Variants in ASIC2 observed in about 807,000 individuals in gnomAD.
ASIC2 encodes acid-sensing ion channel 2.
Under a neutral mutation model 57.3 loss-of-function variants are expected in ASIC2, and 25 were observed. The ratio of observed to expected loss-of-function variants is 0.44; its 90% CI spans 0.32 to 0.61. The LOEUF (loss-of-function observed/expected upper bound fraction) is 0.61, where lower values mean the gene tolerates loss of function less well. Among genes scored for constraint, ASIC2 ranks in the 20% least tolerant of loss-of-function variants. The pLI, the probability that ASIC2 is intolerant of heterozygous loss-of-function variation, is 0.06. For synonymous variants in ASIC2, 319 were observed against 307.5 expected, an observed-to-expected ratio of 1.04 and a Z score of -0.39; for missense variants, 641 against 738.1, an observed-to-expected ratio of 0.87 and a Z score of 1.52.
At chr17:33,483,654 C>A (rs1913486768) in intron 1 of ASIC2, among the ~76,000 whole-genome samples, 1 of 152,184 alleles carries the variant, frequency 6.6e-6, no homozygotes, top group African/African-American at 2.4e-5. Context: ...CTTTCCTTTC[C>A]AGGGCCATGA....
chr17:33,652,595 C>T (rs1906953927), intron 1 of ASIC2, among the ~76,000 whole-genome samples: 1 of 152,162 alleles, frequency 6.6e-6, no homozygotes, highest in Admixed American at 6.5e-5. Flanking sequence ...AGAACTCATG[C>T]TTTTAATCAC....
chr17:34,100,202 A>C (rs567350877), intron 1 of ASIC2, among the ~76,000 whole-genome samples: 186 of 144,798 alleles, frequency 1.3e-3, no homozygotes, highest in African/African-American at 4.6e-3. Context: ...TTTTTTTTTA[A>C]ATCAATTGGT....
intron 1 of ASIC2, among the ~76,000 whole-genome samples, chr17:33,537,065 C>A (rs1231234980): frequency 6.6e-6 from 1 of 152,236 alleles, no homozygotes; most frequent in East Asian, 1.9e-4. Context: ...GCCCAAACCT[C>A]TCTGGGCCTT....
At chr17:33,766,105 CCA>C (rs1242233217) in intron 1 of ASIC2, among the ~76,000 whole-genome samples, 25 of 152,226 alleles carry the variant, frequency 1.6e-4, no homozygotes, top group South Asian at 2.1e-4. Context: ...CCACGGTCAA[CCA>C]CAGTCCAAAA....
At chr17:33,122,092 G>A (rs2092304879) in intron 1 of ASIC2, among the ~76,000 whole-genome samples, 2 of 152,210 alleles carry the variant, frequency 1.3e-5, no homozygotes, top group African/African-American at 2.4e-5. Flanking sequence ...GCTTTTAGGA[G>A]GGCAAGAACC....
intron 1 of ASIC2, among the ~76,000 whole-genome samples, chr17:34,059,095 T>G (rs1399261614): frequency 1.3e-5 from 2 of 152,100 alleles, no homozygotes; most frequent in Non-Finnish European, 2.9e-5. Context: ...AAGAACAAAC[T>G]AGCAATCCCA....
intron 1 of ASIC2, among the ~76,000 whole-genome samples, chr17:33,159,328 C>T (rs1905098592): frequency 6.7e-6 from 1 of 149,852 alleles, no homozygotes; most frequent in Non-Finnish European, 1.5e-5. Flanking sequence ...CTGCCTGTAA[C>T]ACTTTCATGT....
intron 1 of ASIC2, among the ~76,000 whole-genome samples, chr17:33,286,828 T>C (rs1400623084): frequency 6.6e-6 from 1 of 152,186 alleles, no homozygotes; most frequent in Non-Finnish European, 1.5e-5. Flanking sequence ...CCAAAGGGCA[T>C]GTACCAAGCC....
chr17:33,620,256 A>C (rs1445616987), intron 1 of ASIC2, among the ~76,000 whole-genome samples: 9 of 151,898 alleles, frequency 5.9e-5, no homozygotes, highest in African/African-American at 2.2e-4. Context: ...AAAAAAAAAA[A>C]AAAAACACGT....
At chr17:33,057,172 C>T (rs1404329878) in intron 3 of ASIC2, among the ~76,000 whole-genome samples, 3 of 152,110 alleles carry the variant, frequency 2.0e-5, no homozygotes, top group Non-Finnish European at 4.4e-5. Context: ...GATTCCTGGG[C>T]CTCACCTTGA....
intron 3 of ASIC2, among the ~76,000 whole-genome samples, chr17:33,062,470 T>C (rs2092024977): frequency 6.6e-6 from 1 of 152,150 alleles, no homozygotes; most frequent in Non-Finnish European, 1.5e-5. Flanking sequence ...AGTTGAGCGG[T>C]TTTGAGTGAG....
chr17:33,018,024 T>C (rs929219226), intron 7 of ASIC2, among the ~76,000 whole-genome samples: 1 of 152,108 alleles, frequency 6.6e-6, no homozygotes, highest in African/African-American at 2.4e-5. Context: ...GTAGGGAGAA[T>C]AGAGAGCTAG....
At chr17:34,143,144 C>A (rs946600180) in intron 1 of ASIC2, 1 of 152,106 alleles carries the variant, frequency 6.6e-6, no homozygotes, top group African/African-American at 2.4e-5. Context: ...CAGCTCAGCC[C>A]TGCACAAAAA....
chr17:33,543,999 G>A (rs756710458), intron 1 of ASIC2, among the ~76,000 whole-genome samples: 1 of 152,182 alleles, frequency 6.6e-6, no homozygotes, highest in Non-Finnish European at 1.5e-5. Context: ...CCCTAACCCA[G>A]GAATTCCCTT....
At chr17:33,762,142 T>C (rs1248466262) in intron 1 of ASIC2, among the ~76,000 whole-genome samples, 1 of 152,042 alleles carries the variant, frequency 6.6e-6, no homozygotes, top group Admixed American at 6.5e-5. Flanking sequence ...CTGAGAATGG[T>C]ATGTAGGCTC....
chr17:33,467,111 T>C (rs1253197691), intron 1 of ASIC2, among the ~76,000 whole-genome samples: 1 of 152,212 alleles, frequency 6.6e-6, no homozygotes, highest in Non-Finnish European at 1.5e-5. Flanking sequence ...AAAGGGTAGA[T>C]TGTATTTTTA....
intron 1 of ASIC2, among the ~76,000 whole-genome samples, chr17:34,072,666 ATTT>A (rs1171076955): frequency 2.6e-5 from 4 of 152,206 alleles, no homozygotes; most frequent in African/African-American, 7.2e-5. Context: ...TCTGCATATT[ATTT>A]TTACTTATTT....
At chr17:33,599,925 C>G (rs1458553800) in intron 1 of ASIC2, among the ~76,000 whole-genome samples, 4 of 152,210 alleles carry the variant, frequency 2.6e-5, no homozygotes, top group Admixed American at 6.5e-5. Context: ...CAAATCCTTC[C>G]TGTAACCCTT....
intron 3 of ASIC2, among the ~76,000 whole-genome samples, chr17:33,061,422 T>C (rs2092020120): frequency 6.6e-6 from 1 of 152,228 alleles, no homozygotes; most frequent in Non-Finnish European, 1.5e-5. Flanking sequence ...GAGATAATCA[T>C]GTGGTTTTTG....
Sources: gnomAD v4.1 joint callset for allele counts (sites outside exome capture counted in the v4.1 genomes callset) on GRCh38, gnomAD v4.1.1 for gene constraint, MANE v1.5 for transcripts, NCBI Gene and HGNC (gene_info 2026-07-23, HGNC 2026-07-21) for gene names.